Variants in TUSC3 observed in about 807,000 individuals in gnomAD.
TUSC3 encodes tumor suppressor candidate 3.
A neutral mutation model predicts 44.8 loss-of-function variants in TUSC3; 45 were observed. That is an observed-to-expected ratio of 1.00 (90% CI 0.79 to 1.29). The LOEUF (loss-of-function observed/expected upper bound fraction) is 1.29. TUSC3 is among the 50% of genes most tolerant of loss of function. TUSC3 has a pLI of 0.00. For synonymous variants in TUSC3, 212 were observed against 152.9 expected, an observed-to-expected ratio of 1.39 and a Z score of -2.85; for missense variants, 519 against 437.9, an observed-to-expected ratio of 1.19 and a Z score of -1.65.
intron 1 of TUSC3, among the ~76,000 whole-genome samples, chr8:15,430,685 A>T (rs1799862424): frequency 6.6e-6 from 1 of 151,594 alleles, no homozygotes; most frequent in Non-Finnish European, 1.5e-5. Flanking sequence ...GAGGCAGTCA[A>T]ATTGTCCCTG....
chr8:15,635,857 C>G (rs1806048396), intron 2 of TUSC3, among the ~76,000 whole-genome samples: 1 of 152,106 alleles, frequency 6.6e-6, no homozygotes, highest in Non-Finnish European at 1.5e-5. Flanking sequence ...TAATTAGCAG[C>G]TTGATTCCAG....
chr8:15,728,981 A>C (rs1810606869), intron 6 of TUSC3, among the ~76,000 whole-genome samples: 5 of 152,094 alleles, frequency 3.3e-5, no homozygotes, highest in Admixed American at 2.6e-4. Context: ...TTGAGATATG[A>C]CCATAGGATT....
intron 1 of TUSC3, among the ~76,000 whole-genome samples, chr8:15,450,250 A>C (rs924776530): frequency 6.6e-6 from 1 of 152,158 alleles, no homozygotes; most frequent in Non-Finnish European, 1.5e-5. Context: ...TAGAAGAATC[A>C]GGTTTTACTT....
At chr8:15,800,574 TAAA>T in the TUSC3 span, among the ~76,000 whole-genome samples, 2 of 139,902 alleles carry the variant, frequency 1.4e-5, no homozygotes. Flanking sequence ...ACCCTGTCTT[TAAA>T]AAAAAAAAAA....
At chr8:15,762,943 C>T (rs980441927) in intron 10 of TUSC3, among the ~76,000 whole-genome samples, 24 of 152,078 alleles carry the variant, frequency 1.6e-4, no homozygotes, top group South Asian at 8.3e-4. Context: ...ACGCTTTATT[C>T]GTTACTTATT....
chr8:15,828,404 T>G, the TUSC3 span, among the ~76,000 whole-genome samples: 1 of 152,236 alleles, frequency 6.6e-6, no homozygotes, highest in Non-Finnish European at 1.5e-5. Context: ...CTGTCTTAGT[T>G]TCTGTTACCA....
intron 6 of TUSC3, among the ~76,000 whole-genome samples, chr8:15,722,237 T>G (rs1470032542): frequency 2.0e-5 from 3 of 151,498 alleles, no homozygotes; most frequent in Non-Finnish European, 4.4e-5. Context: ...TATTGATGGG[T>G]TTTGTTTCTT....
chr8:15,682,507 T>A (rs1112883), intron 6 of TUSC3, among the ~76,000 whole-genome samples: 58 of 152,222 alleles, frequency 3.8e-4, no homozygotes, highest in African/African-American at 1.4e-3. Context: ...GTTTTTCATT[T>A]GAGTGTTAGA....
intron 1 of TUSC3, among the ~76,000 whole-genome samples, chr8:15,435,021 C>A (rs1799927662): frequency 6.8e-6 from 1 of 147,916 alleles, no homozygotes; most frequent in South Asian, 2.2e-4. Context: ...TTTATAGCAG[C>A]ATGATTTATA....
intron 1 of TUSC3, among the ~76,000 whole-genome samples, chr8:15,614,790 T>C (rs960728075): frequency 3.3e-5 from 5 of 152,256 alleles, no homozygotes; most frequent in Non-Finnish European, 5.9e-5. Context: ...AATGCCGGAT[T>C]ATTATTCTTT....
chr8:15,803,310 T>G, the TUSC3 span, among the ~76,000 whole-genome samples: 2 of 152,176 alleles, frequency 1.3e-5, no homozygotes, highest in Admixed American at 1.3e-4. Context: ...CACACATATC[T>G]TAGTAAATTT....
intron 6 of TUSC3, among the ~76,000 whole-genome samples, chr8:15,683,120 T>C (rs1808492397): frequency 6.6e-6 from 1 of 152,178 alleles, no homozygotes; most frequent in Non-Finnish European, 1.5e-5. Context: ...CTGATGACTA[T>C]TTGCCTTGGG....
chr8:15,679,350 T>C (rs1353665419), intron 6 of TUSC3, among the ~76,000 whole-genome samples: 1 of 152,136 alleles, frequency 6.6e-6, no homozygotes, highest in Non-Finnish European at 1.5e-5. Context: ...GTTTCTCTGA[T>C]GATTAGTGTT....
chr8:15,507,543 C>G (rs919649345), intron 2 of TUSC3, among the ~76,000 whole-genome samples: 1 of 152,082 alleles, frequency 6.6e-6, no homozygotes, highest in Non-Finnish European at 1.5e-5. Context: ...GAGTCTCTCC[C>G]TTTTTTGAGT....
chr8:15,554,146 T>C (rs1245892289), intron 1 of TUSC3, among the ~76,000 whole-genome samples: 1 of 83,500 alleles, frequency 1.2e-5, no homozygotes, highest in Non-Finnish European at 2.7e-5. Context: ...GGATTTTTGA[T>C]TTTGTCATCT....
intron 2 of TUSC3, among the ~76,000 whole-genome samples, chr8:15,641,234 G>C (rs898556580): frequency 6.6e-6 from 1 of 151,984 alleles, no homozygotes. Context: ...GGTGGCACTC[G>C]CCTGTAGTCC....
chr8:15,528,263 C>A (rs1260224289), intron 2 of TUSC3, among the ~76,000 whole-genome samples: 2 of 151,986 alleles, frequency 1.3e-5, no homozygotes, highest in African/African-American at 2.4e-5. Context: ...AACATTTGTT[C>A]AGTGAAACAA....
At chr8:15,427,409 C>A (rs1298280402) in intron 1 of TUSC3, among the ~76,000 whole-genome samples, 1 of 151,772 alleles carries the variant, frequency 6.6e-6, no homozygotes, top group Non-Finnish European at 1.5e-5. Flanking sequence ...ATAGCTGGCA[C>A]CAGGGAAAGG....
At position 15,544,617 on chromosome 8, in the gene TUSC3, G is replaced by A. The variant is rs928471152; in HGVS notation, c.138+4049G>A. On this transcript the variant is annotated intron_variant, in intron 1 of 10. Coordinates refer to ENST00000503731, the MANE Select transcript of TUSC3 (RefSeq NM_006765.4). The stretch of plus-strand genomic sequence containing the variant: ...TTTATATTGGGATGTATAATATCCA[G>A]TTAGTTTTCGTGGCACAGCTGTGAA... Among the ~76,000 whole-genome samples the A allele has an allele frequency of 2.5e-4, 38 of 151,870 alleles. 1 individual carries two copies. Among genetic ancestry groups the A allele is most frequent in the African/African-American group, 8.9e-4 (37 of 41,514 alleles).
Sources: gnomAD v4.1 joint callset for allele counts (sites outside exome capture counted in the v4.1 genomes callset) on GRCh38, gnomAD v4.1.1 for gene constraint, MANE v1.5 for transcripts, NCBI Gene and HGNC (gene_info 2026-07-23, HGNC 2026-07-21) for gene names.